Variants in SAMD5 observed in about 807,000 individuals in gnomAD.
SAMD5 encodes the protein sterile alpha motif domain containing 5.
SAMD5 carries 13 observed loss-of-function variants against 11.3 expected under a neutral mutation model. The ratio of observed to expected loss-of-function variants is 1.15; its 90% CI spans 0.75 to 1.83. The LOEUF (loss-of-function observed/expected upper bound fraction) is 1.83, where lower values mean the gene tolerates loss of function less well. SAMD5 is among the 40% of genes most tolerant of loss of function. The pLI, the probability that SAMD5 is intolerant of heterozygous loss-of-function variation, is 0.00. For synonymous variants in SAMD5, 129 were observed against 111.3 expected (o/e 1.16, Z -1.00); for missense variants, 255 against 239.1 (o/e 1.07, Z -0.44).
chr6:147,644,028 T>A (rs1437303007), intron 1 of SAMD5, among the ~76,000 whole-genome samples: 2 of 152,082 alleles, frequency 1.3e-5, no homozygotes, highest in African/African-American at 4.8e-5. Flanking sequence ...GTTATTTGCA[T>A]GTGAATGGGG....
chr6:147,640,497 CAAAAA>C (rs1172694444), intron 1 of SAMD5, among the ~76,000 whole-genome samples: 4 of 24,190 alleles, frequency 1.7e-4, no homozygotes, highest in South Asian at 4.5e-3. Context: ...GACTCTGTCG[CAAAAA>C]AAAAAAAAAA....
chr6:147,734,741 A>AAAAAAAAAAAAC (rs1583158562), intron 1 of SAMD5, among the ~76,000 whole-genome samples: 1 of 145,656 alleles, frequency 6.9e-6, no homozygotes, highest in Admixed American at 6.9e-5. Context: ...AAAAAAAAAA[A>AAAAAAAAAAAAC]AGATTTAGAA....
chr6:147,551,900 G>A (rs1231638640), intron 1 of SAMD5, among the ~76,000 whole-genome samples: 1 of 123,178 alleles, frequency 8.1e-6, no homozygotes, highest in South Asian at 2.7e-4. Flanking sequence ...TGAAAAACCA[G>A]TGTTTGGGTT....
intron 1 of SAMD5, among the ~76,000 whole-genome samples, chr6:147,627,870 CA>C (rs1790083022): frequency 6.6e-6 from 1 of 152,118 alleles, no homozygotes; most frequent in East Asian, 1.9e-4. Context: ...ATTTACAGTC[CA>C]TGGATGTTTT....
chr6:147,766,880 A>G, the SAMD5 span, among the ~76,000 whole-genome samples: 1 of 152,220 alleles, frequency 6.6e-6, no homozygotes, highest in Non-Finnish European at 1.5e-5. Context: ...GAGATTTGCA[A>G]AAGTTAATTG....
chr6:147,609,532 G>A (rs934251489), intron 1 of SAMD5, among the ~76,000 whole-genome samples: 3 of 152,094 alleles, frequency 2.0e-5, no homozygotes, highest in African/African-American at 7.2e-5. Context: ...TTGCTAAGGG[G>A]AGAACATATT....
chr6:147,856,483 A>G, the SAMD5 span, among the ~76,000 whole-genome samples: 2 of 152,258 alleles, frequency 1.3e-5, no homozygotes, highest in African/African-American at 2.4e-5. Context: ...AAGTAGCCAT[A>G]TAAGAATGTA....
intron 1 of SAMD5, among the ~76,000 whole-genome samples, chr6:147,595,204 G>T (rs1290748574): frequency 6.6e-6 from 1 of 152,170 alleles, no homozygotes; most frequent in African/African-American, 2.4e-5. Context: ...GATACATTTG[G>T]AATGTTTGCA....
At chr6:147,633,257 A>G (rs1179212272) in intron 1 of SAMD5, among the ~76,000 whole-genome samples, 1 of 152,182 alleles carries the variant, frequency 6.6e-6, no homozygotes, top group Non-Finnish European at 1.5e-5. Flanking sequence ...TACTTTAGAT[A>G]ATCTTTCACC....
chr6:147,508,917 C>T lies in SAMD5; in HGVS notation c.-12C>T. ...TGGGAAGGTGCTCGGCGGCGGGGTT[C>T]CCGGTCCCACCATGTGCACCAACAT... On this transcript the variant is annotated 5_prime_UTR_variant, in exon 1 of 2. Coordinates refer to ENST00000367474, the MANE Select transcript of SAMD5 (RefSeq NM_001030060.3). 2 of 1,586,440 alleles carry T rather than the reference C, an allele frequency of 1.3e-6. No individual in the cohort carries two copies. Among genetic ancestry groups the T allele is most frequent in the South Asian group, 1.1e-5 (1 of 87,402 alleles).
intron 1 of SAMD5, among the ~76,000 whole-genome samples, chr6:147,549,355 C>T (rs1361879559): frequency 1.3e-5 from 2 of 152,192 alleles, no homozygotes; most frequent in African/African-American, 4.8e-5. Flanking sequence ...CCAGAGGTTC[C>T]TCTAACTTTG....
intron 1 of SAMD5, among the ~76,000 whole-genome samples, chr6:147,526,426 C>T (rs1788341014): frequency 6.6e-6 from 1 of 152,218 alleles, no homozygotes; most frequent in Admixed American, 6.5e-5. Context: ...TCCACAGATC[C>T]ATCCATTCAT....
intron 1 of SAMD5, among the ~76,000 whole-genome samples, chr6:147,600,315 C>T (rs1338353517): frequency 6.6e-6 from 1 of 152,158 alleles, no homozygotes; most frequent in African/African-American, 2.4e-5. Context: ...CTAGGGAGTT[C>T]ACCTGGGACT....
the SAMD5 span, among the ~76,000 whole-genome samples, chr6:147,859,168 A>C: frequency 9.9e-5 from 15 of 152,080 alleles, no homozygotes; most frequent in Non-Finnish European, 1.5e-5. Context: ...GTGTGCTTCC[A>C]TGTCCCCAAG....
chr6:147,680,560 T>C (rs1790927067), intron 1 of SAMD5, among the ~76,000 whole-genome samples: 1 of 152,124 alleles, frequency 6.6e-6, no homozygotes, highest in Non-Finnish European at 1.5e-5. Flanking sequence ...TTAATAGATA[T>C]GGTGAGCAGA....
the SAMD5 span, among the ~76,000 whole-genome samples, chr6:147,952,123 C>T: frequency 3.3e-5 from 5 of 152,214 alleles, no homozygotes; most frequent in East Asian, 5.8e-4. Context: ...GTCCAAGGCA[C>T]GCTGATTAAT....
chr6:147,886,113 G>A, the SAMD5 span, among the ~76,000 whole-genome samples: 1 of 152,060 alleles, frequency 6.6e-6, no homozygotes, highest in African/African-American at 2.4e-5. Context: ...ATTAAAAAGA[G>A]CATTTCCCAG....
intron 1 of SAMD5, among the ~76,000 whole-genome samples, chr6:147,534,576 C>T (rs899231860): frequency 6.6e-6 from 1 of 152,068 alleles, no homozygotes; most frequent in African/African-American, 2.4e-5. Context: ...TTAAGGATAA[C>T]TTGGTGGGAG....
chr6:147,864,861 G>T, the SAMD5 span, among the ~76,000 whole-genome samples: 1 of 152,124 alleles, frequency 6.6e-6, no homozygotes. Context: ...CATTGTCTGT[G>T]CCCTACAGCT....
Sources: gnomAD v4.1 joint callset for allele counts (sites outside exome capture counted in the v4.1 genomes callset) on GRCh38, gnomAD v4.1.1 for gene constraint, MANE v1.5 for transcripts, NCBI Gene and HGNC (gene_info 2026-07-23, HGNC 2026-07-21) for gene names.